Variants in MPP4 observed in about 807,000 individuals in gnomAD.
MPP4 encodes the protein MAGUK p55 subfamily member 4.
MPP4 carries 91 observed loss-of-function variants against 98.3 expected under a neutral mutation model. The ratio of observed to expected loss-of-function variants is 0.93; its 90% CI spans 0.78 to 1.10. The LOEUF is 1.10. Ranked by LOEUF, MPP4 falls within the 50% of genes least tolerant of loss-of-function variation. The pLI is 0.00. For synonymous variants in MPP4, 261 were observed against 271.8 expected, an observed-to-expected ratio of 0.96 and a Z score of 0.39; for missense variants, 744 against 792.9, an observed-to-expected ratio of 0.94 and a Z score of 0.74.
At chr2:201,663,815 G>A (rs569202436) in intron 14 of MPP4, among the ~76,000 whole-genome samples, 1 of 152,214 alleles carries the variant, frequency 6.6e-6, no homozygotes, top group East Asian at 1.9e-4. Context: ...TCAGGAATTC[G>A]AGGCTGCAAT....
At chr2:201,680,300 A>C (rs2105937592) in intron 10 of MPP4, 1 of 153,562 alleles carries the variant, frequency 6.5e-6, no homozygotes, top group Middle Eastern at 3.4e-3. Flanking sequence ...ATTTGCTCAT[A>C]GTTCTGGAAG....
At position 201,647,688 on chromosome 2, in the gene MPP4, T is replaced by TA. The variant is rs1687602645; in HGVS notation, c.1719+2dup. On this transcript the variant is annotated splice_region_variant and intron_variant, in intron 21 of 21. Coordinates refer to ENST00000409474, the MANE Select transcript of MPP4 (RefSeq NM_033066.3). The stretch of plus-strand genomic sequence containing the variant: ...AATACAGTAGTTTTTGACTTGCTCT[T>TA]ACCTTGAACTTCATGTCCACATAGT... The TA allele has an allele frequency of 6.2e-7, 1 of 1,612,872 alleles. No individual in the cohort carries two copies. Among genetic ancestry groups the TA allele is most frequent in the Non-Finnish European group, 8.5e-7 (1 of 1,179,124 alleles).
intron 7 of MPP4, 119 bp downstream of exon 7, chr2:201,684,945 C>T (rs1008326415): frequency 2.8e-6 from 2 of 709,806 alleles, no homozygotes; most frequent in African/African-American, 4.3e-5. Context: ...AAGACTCCAT[C>T]TCAAAAAAAA....
At chr2:201,690,024 T>C (rs927833586) in intron 4 of MPP4, among the ~76,000 whole-genome samples, 178 bp downstream of exon 4, 12 of 152,172 alleles carry the variant, frequency 7.9e-5, no homozygotes, top group Non-Finnish European at 1.0e-4. Context: ...GTGTTTTAAT[T>C]TGGGGAGATA....
chr2:201,659,491 C>T (rs556019947), intron 15 of MPP4, among the ~76,000 whole-genome samples: 29 of 152,266 alleles, frequency 1.9e-4, no homozygotes, highest in African/African-American at 6.0e-4. Flanking sequence ...TTTCAAATTA[C>T]TTTTTACTTA....
Position 201,666,354 on chromosome 2 carries a change from T to C in MPP4, c.1031A>G (p.Asp344Gly). 2 of 1,556,094 alleles carry C rather than the reference T, an allele frequency of 1.3e-6. No homozygotes were observed. The highest frequency in any genetic ancestry group is 8.7e-7 in the Non-Finnish European group (1 of 1,150,238). The change falls in exon 13 of 22, where the codon GAT becomes GGT. Residue 344 changes from aspartate (D) to glycine (G), a missense_variant. Physicochemically the swap from Asp to Gly is moderately conservative, Grantham distance 94. Transcript: ENST00000409474. ...GTTACCTGCTTCCACACATTTCTCA[T>C]CAATCTTCATGTCATCTTCTATAAA... ...SMEEEDDMKI[D>G]EKCVEADEET...
chr2:201,680,746 C>G, intron 10 of MPP4, 92 bp downstream of exon 10: 1 of 1,171,570 alleles, frequency 8.5e-7, no homozygotes, highest in Non-Finnish European at 1.2e-6. Flanking sequence ...GCTTGTCCCT[C>G]TTTATCTCAT....
At chr2:201,661,351 C>G (rs1264363385) in intron 14 of MPP4, 1 of 454,418 alleles carries the variant, frequency 2.2e-6, no homozygotes, top group Non-Finnish European at 4.4e-6. Flanking sequence ...ACCTTAACTG[C>G]TCACTAAGCA....
At chr2:201,649,929 G>A in intron 19 of MPP4, 143 bp downstream of exon 19, 1 of 840,044 alleles carries the variant, frequency 1.2e-6, no homozygotes, top group Non-Finnish European at 1.8e-6. Flanking sequence ...TTGGTGTGCT[G>A]TATATCGATG....
chr2:201,651,925 C>T (rs1281594405), intron 18 of MPP4: 1 of 714,508 alleles, frequency 1.4e-6, no homozygotes, highest in Non-Finnish European at 1.7e-6. Flanking sequence ...GGCACTCCAG[C>T]CTGGGCAATG....
intron 3 of MPP4, among the ~76,000 whole-genome samples, chr2:201,692,486 G>A (rs1689060268): frequency 6.6e-6 from 1 of 151,060 alleles, no homozygotes; most frequent in Non-Finnish European, 1.5e-5. Context: ...GGAGGTTGCA[G>A]TGAGTTGAGA....
intron 16 of MPP4, among the ~76,000 whole-genome samples, chr2:201,657,223 T>C (rs1687869802): frequency 6.6e-6 from 1 of 152,162 alleles, no homozygotes; most frequent in Non-Finnish European, 1.5e-5. Flanking sequence ...TTCACATTTT[T>C]CAGGTGGTTT....
At chr2:201,676,446 G>T (rs1342361040) in intron 10 of MPP4, among the ~76,000 whole-genome samples, 1 of 152,224 alleles carries the variant, frequency 6.6e-6, no homozygotes, top group Non-Finnish European at 1.5e-5. Flanking sequence ...CTGAAACTTA[G>T]TTCCCCACTT....
intron 3 of MPP4, among the ~76,000 whole-genome samples, chr2:201,692,064 C>A (rs919589465): frequency 2.6e-5 from 4 of 152,132 alleles, no homozygotes; most frequent in African/African-American, 9.7e-5. Context: ...AAGGGACTAC[C>A]ATATTCTCCT....
At chr2:201,662,059 A>G in intron 14 of MPP4, 2 of 393,138 alleles carry the variant, frequency 5.1e-6, no homozygotes, top group Non-Finnish European at 9.8e-6. Flanking sequence ...AAAGTGGTTC[A>G]CAACTCATCT....
At chr2:201,697,006 A>T (rs1231625579) in intron 1 of MPP4, among the ~76,000 whole-genome samples, 1 of 152,142 alleles carries the variant, frequency 6.6e-6, no homozygotes, top group Non-Finnish European at 1.5e-5. Flanking sequence ...GCATTTGAAG[A>T]TGGGGCCTTT....
chr2:201,666,329 G>C lies in MPP4; in HGVS notation c.1051+5C>G. 1.3e-6 allele frequency: 2 copies of C among 1,554,754 alleles called. No individual in the cohort carries two copies. The highest frequency in any genetic ancestry group is 1.7e-6 in the Non-Finnish European group (2 of 1,149,098). The stretch of plus-strand genomic sequence containing the variant: ...AACAGCAAAGCAATCAAGAGAAAAT[G>C]TTACCTGCTTCCACACATTTCTCAT... On this transcript the variant is annotated splice_donor_5th_base_variant and intron_variant, in intron 13 of 21. Transcript: ENST00000409474.
intron 10 of MPP4, among the ~76,000 whole-genome samples, chr2:201,677,088 C>A (rs1688525511): frequency 3.3e-5 from 5 of 152,162 alleles, no homozygotes; most frequent in Admixed American, 2.6e-4. Context: ...TGTTTTTTAA[C>A]CTTCTGTACC....
chr2:201,689,914 T>G (rs1317844884), intron 4 of MPP4, among the ~76,000 whole-genome samples: 1 of 152,150 alleles, frequency 6.6e-6, no homozygotes, highest in East Asian at 1.9e-4. Context: ...GAATTATTAC[T>G]ATAACATTAC....
Sources: gnomAD v4.1 joint callset for allele counts (sites outside exome capture counted in the v4.1 genomes callset) on GRCh38, gnomAD v4.1.1 for gene constraint, MANE v1.5 for transcripts, NCBI Gene and HGNC (gene_info 2026-07-23, HGNC 2026-07-21) for gene names.